The following CSMD2 variants were observed in gnomAD, a reference collection of about 807,000 sequenced individuals.
CSMD2 encodes the protein CUB and Sushi multiple domains 2, also known as CUB and sushi domain-containing protein 2.
Under a neutral mutation model 398.5 loss-of-function variants are expected in CSMD2, and 130 were observed. The observed-to-expected ratio is 0.33, with a 90% confidence interval of 0.28 to 0.38. The LOEUF is 0.38. Among genes scored for constraint, CSMD2 ranks in the 10% least tolerant of loss-of-function variants. The pLI is 1.00. For missense variants in CSMD2, 3,829 were observed against 4,764.9 expected (o/e 0.80, Z 5.78); for synonymous variants, 1,828 against 1,908.5 (o/e 0.96, Z 1.10).
chr1:33,994,429 C>A (rs2148008568), intron 3 of CSMD2, among the ~76,000 whole-genome samples: 1 of 152,232 alleles, frequency 6.6e-6, no homozygotes, highest in South Asian at 2.1e-4. Flanking sequence ...CAATCCCACG[C>A]TCACAGCACC....
At chr1:33,738,001 C>T (rs1262206212) in intron 15 of CSMD2, among the ~76,000 whole-genome samples, 1 of 151,944 alleles carries the variant, frequency 6.6e-6, no homozygotes, top group African/African-American at 2.4e-5. Context: ...GCCCCTCTCA[C>T]TCAAATGCCC....
At chr1:33,644,295 AG>A (rs1473420378) in intron 29 of CSMD2, among the ~76,000 whole-genome samples, 4 of 152,224 alleles carry the variant, frequency 2.6e-5, no homozygotes, top group African/African-American at 9.6e-5. Context: ...AGATGGCCAC[AG>A]GCAGGTAGGC....
At chr1:33,693,938 A>T (rs990916266) in intron 24 of CSMD2, among the ~76,000 whole-genome samples, 1 of 152,132 alleles carries the variant, frequency 6.6e-6, no homozygotes, top group African/African-American at 2.4e-5. Flanking sequence ...ACATGCCTGT[A>T]ATCCCAGCTA....
intron 66 of CSMD2, 139 bp downstream of exon 66, chr1:33,524,743 A>C: frequency 1.3e-6 from 1 of 768,128 alleles, no homozygotes; most frequent in Non-Finnish European, 2.0e-6. Context: ...GTAAAGATGA[A>C]TAGACACTTC....
chr1:33,598,721 G>C (rs1455505046), intron 44 of CSMD2: 1 of 144,484 alleles, frequency 6.9e-6, no homozygotes, highest in African/African-American at 2.6e-5. Flanking sequence ...GCCCAGGCTG[G>C]AGTGCAATGG....
chr1:33,617,545 A>T lies in CSMD2; in HGVS notation c.5900T>A (p.Val1967Glu). 1.2e-6 allele frequency: 2 copies of T among 1,614,086 alleles called. No homozygotes were observed. The highest frequency in any genetic ancestry group is 8.5e-7 in the Non-Finnish European group (1 of 1,180,000). ...ACACTGGAAAGACACCACATCATTC[A>T]CCAAGTAGCGCTCGCCAGTCTTCAC... is the stretch of plus-strand genomic sequence containing the variant. ...NGVKTGERYL[V>E]NDVVSFQCEP... The change falls in exon 38 of 71, where the codon GTG becomes GAG. Residue 1967 changes from valine (V) to glutamate (E), a missense_variant. By Grantham distance (121) the Val-to-Glu change is moderately radical. Coordinates refer to ENST00000373381, the MANE Select transcript of CSMD2 (RefSeq NM_001281956.2).
chr1:34,128,780 C>T (rs927697634), intron 1 of CSMD2, among the ~76,000 whole-genome samples: 4 of 152,054 alleles, frequency 2.6e-5, no homozygotes, highest in Admixed American at 6.5e-5. Context: ...TCAGGAGGGG[C>T]GTCGTCCCTA....
chr1:33,696,268 G>C (rs538786543), intron 24 of CSMD2, among the ~76,000 whole-genome samples: 2 of 152,202 alleles, frequency 1.3e-5, no homozygotes, highest in Admixed American at 1.3e-4. Context: ...CTAGAAATAG[G>C]AGAAGAAGGG....
chr1:33,790,669 A>G lies in CSMD2; in HGVS notation c.1550+1754T>C, dbSNP rs879263279. ...CTATTTGCTGTTTGTCTGTCTATCT[A>G]TCTATCTATCTATCTATCTATCTAT... is the stretch of plus-strand genomic sequence containing the variant. On this transcript the variant is annotated intron_variant, in intron 11 of 70. Coordinates refer to ENST00000373381, the MANE Select transcript of CSMD2 (RefSeq NM_001281956.2). Among the ~76,000 whole-genome samples the G allele has an allele frequency of 6.3e-3, 519 of 82,314 alleles. 3 individuals carry two copies. The highest frequency in any genetic ancestry group is 0.019 in the African/African-American group (403 of 21,234). 54.0% of individuals were successfully genotyped at this position (82,314 alleles called of 152,430 possible).
At chr1:33,784,092 A>T (rs538350520) in intron 12 of CSMD2, among the ~76,000 whole-genome samples, 1 of 152,326 alleles carries the variant, frequency 6.6e-6, no homozygotes, top group East Asian at 1.9e-4. Flanking sequence ...GGAAGACTGA[A>T]ATGCAAGTGG....
intron 26 of CSMD2, among the ~76,000 whole-genome samples, chr1:33,659,290 G>A (rs893029486): frequency 2.6e-5 from 4 of 152,156 alleles, no homozygotes; most frequent in Admixed American, 6.5e-5. Context: ...AAAACACACC[G>A]GAGGAATGGG....
rs1227326641 is a variant in CSMD2, at chr1:33,788,644, G to C, written c.1619C>G (p.Thr540Ser). Residue 540 changes from threonine to serine, a missense_variant, in exon 12 of 71, where the codon ACT becomes AGT. Thr to Ser is a moderately conservative substitution (Grantham distance 58). This residue lies in a region of CSMD2 where 2,001 missense variants were observed against 2,567.1 expected (regional missense o/e 0.78). Transcript: ENST00000373381. The stretch of plus-strand genomic sequence containing the variant: ...TCCCAGGGAACTGCCACTGCCATCA[G>C]TCTGGAAGAGGAGCCACATTTGATG... ...TNHQMWLLFQ[T>S]DGSGSSLGFK... The C allele has an allele frequency of 2.5e-6, 4 of 1,613,882 alleles. No individual in the cohort carries two copies. The highest frequency in any genetic ancestry group is 1.6e-4 in the Middle Eastern group (1 of 6,062).
chr1:33,974,407 GCCAAGC>G (rs1645884936), intron 3 of CSMD2, among the ~76,000 whole-genome samples: 1 of 152,228 alleles, frequency 6.6e-6, no homozygotes, highest in South Asian at 2.1e-4. Flanking sequence ...CAGGCATAGG[GCCAAGC>G]ACTAGGGACA....
chr1:33,784,809 A>G (rs1653317285), intron 12 of CSMD2, among the ~76,000 whole-genome samples: 1 of 152,154 alleles, frequency 6.6e-6, no homozygotes, highest in Non-Finnish European at 1.5e-5. Flanking sequence ...GGCAATGTGC[A>G]AGGAGCTTTG....
At chr1:34,040,020 G>A (rs116737205) in intron 2 of CSMD2, among the ~76,000 whole-genome samples, 1,821 of 152,042 alleles carry the variant, frequency 0.012, 17 homozygotes, top group African/African-American at 0.027. Flanking sequence ...GTCTGAGTGT[G>A]GTGGTTACTC....
intron 5 of CSMD2, among the ~76,000 whole-genome samples, chr1:33,902,140 T>C (rs550156061): frequency 5.2e-4 from 79 of 152,156 alleles, no homozygotes; most frequent in African/African-American, 1.8e-3. Flanking sequence ...AAGCAGGGAG[T>C]TGGTCAGTGC....
rs147805416 is a variant in CSMD2, at chr1:33,802,032, G to A, written c.1446+8711C>T. 9.1e-4 allele frequency among the ~76,000 whole-genome samples: 139 copies of A among 152,322 alleles called. 1 individual carries two copies. Among genetic ancestry groups the A allele is most frequent in the Admixed American group, 1.5e-3 (23 of 15,310 alleles). On this transcript the variant is annotated intron_variant, in intron 10 of 70. Coordinates refer to ENST00000373381, the MANE Select transcript of CSMD2 (RefSeq NM_001281956.2). ...CTGAATCAGATCTTTGGGGAAAAGAGCTTGGGAATCTGTGGTTTTAAAGTG... is the reference window on the plus strand; with the variant it reads ...CTGAATCAGATCTTTGGGGAAAAGAACTTGGGAATCTGTGGTTTTAAAGTG...
chr1:33,804,889 C>G (rs1012395790), intron 10 of CSMD2: 2 of 717,252 alleles, frequency 2.8e-6, no homozygotes, highest in Non-Finnish European at 5.2e-6. Context: ...TTCCCTGGGT[C>G]TCCTCCCGCC....
chr1:33,984,982 G>A (rs1032324574), intron 3 of CSMD2, among the ~76,000 whole-genome samples: 2 of 152,178 alleles, frequency 1.3e-5, no homozygotes, highest in Non-Finnish European at 2.9e-5. Context: ...GGTAATGATT[G>A]CTTATTATAA....
Sources: gnomAD v4.1 joint callset for allele counts (sites outside exome capture counted in the v4.1 genomes callset) on GRCh38, gnomAD v4.1.1 for gene constraint, gnomAD v4.1.1 regional missense constraint, MANE v1.5 for transcripts, NCBI Gene and HGNC (gene_info 2026-07-23, HGNC 2026-07-21) for gene names.